DMD: variants seen among roughly 807,000 people sequenced by gnomAD.
DMD encodes mutant dystrophin.
DMD carries 63 observed loss-of-function variants against 330.1 expected under a neutral mutation model. The observed-to-expected ratio is 0.19, with a 90% CI of 0.16 to 0.24. DMD has a LOEUF of 0.24. DMD is among the 10% of genes least tolerant of loss of function. The probability of loss-of-function intolerance (pLI) is 1.00; values close to 1 mark genes in which losing one functional copy is unlikely to be tolerated. For synonymous variants in DMD, 1,223 were observed against 959.8 expected, an observed-to-expected ratio of 1.27 and a Z score of -5.07; for missense variants, 3,344 against 2,684.1, an observed-to-expected ratio of 1.25 and a Z score of -5.43.
chrX:32,038,403 G>A (rs1174183719), intron 44 of DMD, among the ~76,000 whole-genome samples: 1 of 111,673 alleles, frequency 9.0e-6, no homozygotes, highest in East Asian at 2.8e-4. Context: ...GAAAACAGGA[G>A]TTGGCGGGTG....
chrX:31,130,846 T>G (rs2034389912), intron 77 of DMD, among the ~76,000 whole-genome samples: 2 of 112,024 alleles, frequency 1.8e-5, no homozygotes, highest in Admixed American at 1.9e-4. Flanking sequence ...GTTGTAAATT[T>G]GAGGTACATA....
chrX:32,128,868 G>A (rs964038563), intron 44 of DMD, among the ~76,000 whole-genome samples: 5 of 112,147 alleles, frequency 4.5e-5, no homozygotes, highest in Admixed American at 3.8e-4. Context: ...AAAGACACCA[G>A]ATATGGAGAA....
In DMD at chrX:32,965,781, C is replaced by T. The variant is rs191785623; in HGVS notation, c.93+54358G>A. On this transcript the variant is annotated intron_variant, in intron 2 of 78. Transcript: ENST00000357033. Reference sequence around the variant, plus strand: ...ACATAATAATGACAAGATATGTCAGCCTAAGAATAAATATGTCTTAAGTTA... The same window carrying T: ...ACATAATAATGACAAGATATGTCAGTCTAAGAATAAATATGTCTTAAGTTA... Among the ~76,000 whole-genome samples, 336 of 111,548 alleles carry T rather than the reference C, an allele frequency of 3.0e-3. 1 individual carries two copies. Among genetic ancestry groups the T allele is most frequent in the Non-Finnish European group, 5.4e-3 (289 of 53,119 alleles).
intron 61 of DMD, among the ~76,000 whole-genome samples, chrX:31,345,043 G>A (rs2058017028): frequency 3.6e-5 from 4 of 111,671 alleles, no homozygotes; most frequent in Admixed American, 1.9e-4. Context: ...AAAGTACAAT[G>A]TAAAGAAACA....
chrX:33,317,928 A>C (rs1034915286), intron 1 of DMD, among the ~76,000 whole-genome samples: 1 of 111,851 alleles, frequency 8.9e-6, no homozygotes, highest in Non-Finnish European at 1.9e-5. Context: ...AAGTTTCTAC[A>C]GAAGGGAACA....
At chrX:32,518,492 T>C (rs752903952) in intron 17 of DMD, among the ~76,000 whole-genome samples, 3 of 110,602 alleles carry the variant, frequency 2.7e-5, no homozygotes, top group Non-Finnish European at 5.7e-5. Context: ...AAAAAAAAAT[T>C]CCTGTTGGTG....
At chrX:32,540,526 T>G (rs907517729) in intron 17 of DMD, among the ~76,000 whole-genome samples, 2 of 111,514 alleles carry the variant, frequency 1.8e-5, no homozygotes, top group African/African-American at 6.5e-5. Context: ...TTAAGAACAA[T>G]TCCAGGAAGA....
chrX:32,446,424 G>A (rs748423064), intron 27 of DMD, among the ~76,000 whole-genome samples: 1 of 109,500 alleles, frequency 9.1e-6, no homozygotes, highest in African/African-American at 3.3e-5. Context: ...AAAAAAACCT[G>A]TCCTTACATA....
chrX:33,061,571 G>C (rs1828642438), intron 1 of DMD, among the ~76,000 whole-genome samples: 1 of 111,512 alleles, frequency 9.0e-6, no homozygotes, highest in African/African-American at 3.3e-5. Context: ...TGTTTTTGCA[G>C]TGGTTAGGAG....
chrX:31,578,782 G>A (rs769262651), intron 55 of DMD, among the ~76,000 whole-genome samples: 1 of 112,165 alleles, frequency 8.9e-6, no homozygotes, highest in African/African-American at 3.2e-5. Flanking sequence ...TGTGCAATGC[G>A]TCACCTTGGA....
intron 44 of DMD, among the ~76,000 whole-genome samples, chrX:31,988,406 G>A (rs763049010): frequency 2.2e-3 from 211 of 97,637 alleles, no homozygotes; most frequent in African/African-American, 7.6e-3. Context: ...CCCGGGCAGT[G>A]GAGCTTGCAG....
At chrX:32,409,686 C>T (rs1379546825) in intron 30 of DMD, among the ~76,000 whole-genome samples, 3 of 111,821 alleles carry the variant, frequency 2.7e-5, no homozygotes, top group Non-Finnish European at 5.7e-5. Flanking sequence ...TACAAACTTG[C>T]AATATTAATG....
intron 2 of DMD, among the ~76,000 whole-genome samples, chrX:33,019,593 A>ATT (rs1338041818): frequency 1.8e-5 from 2 of 111,584 alleles, no homozygotes; most frequent in Non-Finnish European, 3.8e-5. Context: ...GAGTCACGCT[A>ATT]TTGATTAAAA....
At chrX:32,857,069 C>T (rs1266045571) in intron 2 of DMD, among the ~76,000 whole-genome samples, 3 of 103,378 alleles carry the variant, frequency 2.9e-5, no homozygotes, top group Admixed American at 1.0e-4. Context: ...AGCAAGACTG[C>T]GTCTCAAAAA....
chrX:32,403,133 C>T (rs1199592102), intron 30 of DMD, among the ~76,000 whole-genome samples: 9 of 111,553 alleles, frequency 8.1e-5, no homozygotes, highest in African/African-American at 1.6e-4. Context: ...TTAACAATCA[C>T]GATAAACGCT....
At chrX:31,238,984 G>A (rs750353195) in intron 63 of DMD, among the ~76,000 whole-genome samples, 50 of 112,028 alleles carry the variant, frequency 4.5e-4, no homozygotes, top group South Asian at 3.4e-3. Context: ...CCTGCAGTAC[G>A]AGTTTCTACC....
chrX:31,162,443 TTGTAAGA>T (rs1356011942), intron 74 of DMD, among the ~76,000 whole-genome samples: 1 of 107,498 alleles, frequency 9.3e-6, no homozygotes, highest in Non-Finnish European at 1.9e-5. Context: ...GCAGCTGTAC[TTGTAAGA>T]TGTGAATATT....
chrX:32,319,005 C>A (rs2097596501), intron 41 of DMD, among the ~76,000 whole-genome samples: 2 of 111,317 alleles, frequency 1.8e-5, no homozygotes, highest in Admixed American at 9.6e-5. Flanking sequence ...TCCTCAGGGC[C>A]AAGCTCAATT....
At chrX:31,491,987 C>A (rs1257395675) in intron 57 of DMD, among the ~76,000 whole-genome samples, 1 of 111,686 alleles carries the variant, frequency 9.0e-6, no homozygotes, top group African/African-American at 3.3e-5. Flanking sequence ...GGATTTGTAT[C>A]CCCATAAAAA....
Sources: gnomAD v4.1 joint callset for allele counts (sites outside exome capture counted in the v4.1 genomes callset) on GRCh38, gnomAD v4.1.1 for gene constraint, MANE v1.5 for transcripts, NCBI Gene and HGNC (gene_info 2026-07-23, HGNC 2026-07-21) for gene names.